The following CATSPERE variants were observed in gnomAD, a reference collection of about 807,000 sequenced individuals.
CATSPERE encodes cation channel sperm-associated auxiliary subunit epsilon.
In CATSPERE, 93 loss-of-function variants were observed where a neutral mutation model predicts 114.1. The observed-to-expected ratio is 0.81, with a 90% CI of 0.69 to 0.97. The LOEUF (loss-of-function observed/expected upper bound fraction) is 0.97. Among genes scored for constraint, CATSPERE ranks in the 50% least tolerant of loss-of-function variants. The pLI, the probability that CATSPERE is intolerant of heterozygous loss-of-function variation, is 0.00. For missense variants in CATSPERE, 1,058 were observed against 1,131.6 expected (o/e 0.93, Z 0.93); for synonymous variants, 341 against 384.1 (o/e 0.89, Z 1.31).
At chr1:244,559,908 C>G (rs1416527027) in intron 9 of CATSPERE, among the ~76,000 whole-genome samples, 1 of 152,090 alleles carries the variant, frequency 6.6e-6, no homozygotes, top group Non-Finnish European at 1.5e-5. Context: ...TGACCAATTT[C>G]TATTTAATAT....
chr1:244,542,445 C>T (rs1441630464), intron 8 of CATSPERE, among the ~76,000 whole-genome samples: 1 of 151,992 alleles, frequency 6.6e-6, no homozygotes, highest in African/African-American at 2.4e-5. Flanking sequence ...GAACATTGTA[C>T]TCAATAGGTA....
At chr1:244,479,573 T>A in intron 4 of CATSPERE, 144 bp from the exon 5 acceptor site, 1 of 354,590 alleles carries the variant, frequency 2.8e-6, no homozygotes, top group Non-Finnish European at 5.1e-6. Flanking sequence ...TTTAAATATA[T>A]ATTTAAATTC....
chr1:244,495,484 A>G (rs1672940026), intron 6 of CATSPERE, among the ~76,000 whole-genome samples: 1 of 152,138 alleles, frequency 6.6e-6, no homozygotes, highest in South Asian at 2.1e-4. Flanking sequence ...GAACTTTGGG[A>G]GGCTGAGGCA....
intron 13 of CATSPERE, 121 bp from the exon 14 acceptor site, chr1:244,588,361 G>C: frequency 1.3e-6 from 1 of 741,738 alleles, no homozygotes; most frequent in Non-Finnish European, 2.4e-6. Context: ...AGTGGTATAA[G>C]AGAACCCTAC....
chr1:244,466,136 T>C (rs1215399998), intron 2 of CATSPERE, among the ~76,000 whole-genome samples: 1 of 152,242 alleles, frequency 6.6e-6, no homozygotes, highest in Non-Finnish European at 1.5e-5. Context: ...CATATTAACA[T>C]ATTCACTTTT....
At chr1:244,621,837 G>C (rs1329564585) in intron 20 of CATSPERE, among the ~76,000 whole-genome samples, 1 of 152,116 alleles carries the variant, frequency 6.6e-6, no homozygotes, top group Non-Finnish European at 1.5e-5. Context: ...TCAATACACA[G>C]ATTAAACAAG....
intron 10 of CATSPERE, among the ~76,000 whole-genome samples, chr1:244,571,184 C>T (rs938085423): frequency 6.6e-6 from 1 of 152,128 alleles, no homozygotes; most frequent in African/African-American, 2.4e-5. Flanking sequence ...TGATCTACTG[C>T]ATATATTTCT....
chr1:244,569,660 AT>A (rs1435157716), intron 10 of CATSPERE, among the ~76,000 whole-genome samples: 2 of 152,134 alleles, frequency 1.3e-5, no homozygotes, highest in Non-Finnish European at 2.9e-5. Flanking sequence ...TATTCTTATA[AT>A]TCTGATTTTT....
chr1:244,494,133 C>A (rs1672693289), intron 6 of CATSPERE, among the ~76,000 whole-genome samples: 1 of 151,988 alleles, frequency 6.6e-6, no homozygotes, highest in Non-Finnish European at 1.5e-5. Context: ...AATCATGCTG[C>A]TATAAAGACA....
chr1:244,602,797 A>T (rs1669446788), intron 17 of CATSPERE, among the ~76,000 whole-genome samples: 1 of 152,164 alleles, frequency 6.6e-6, no homozygotes, highest in South Asian at 2.1e-4. Context: ...GGTCCTGAGG[A>T]TTCGCTTTAG....
intron 8 of CATSPERE, among the ~76,000 whole-genome samples, chr1:244,518,958 T>C (rs1677080958): frequency 1.3e-5 from 2 of 152,070 alleles, no homozygotes; most frequent in South Asian, 4.1e-4. Flanking sequence ...CCTGGAAATA[T>C]CTCAAAATGT....
At chr1:244,629,204 T>A (rs1272166110) in intron 20 of CATSPERE, among the ~76,000 whole-genome samples, 3 of 152,144 alleles carry the variant, frequency 2.0e-5, no homozygotes, top group Admixed American at 6.5e-5. Flanking sequence ...CACAGACATA[T>A]CAAGCACCTT....
chr1:244,528,117 C>A (rs1286262116), intron 8 of CATSPERE, among the ~76,000 whole-genome samples: 1 of 152,218 alleles, frequency 6.6e-6, no homozygotes, highest in African/African-American at 2.4e-5. Context: ...CCCCATTCCC[C>A]CCAACCAGCA....
chr1:244,554,118 T>A (rs1661221024), intron 9 of CATSPERE, among the ~76,000 whole-genome samples: 1 of 152,240 alleles, frequency 6.6e-6, no homozygotes, highest in Non-Finnish European at 1.5e-5. Flanking sequence ...TTGTGAATAG[T>A]GTTGCAATAA....
At chr1:244,554,851 A>G (rs1458147210) in intron 9 of CATSPERE, among the ~76,000 whole-genome samples, 8 of 152,206 alleles carry the variant, frequency 5.3e-5, no homozygotes, top group African/African-American at 2.4e-5. Context: ...TTACAGGCCA[A>G]TATTCCTGAT....
At chr1:244,471,999 G>T (rs150176034) in intron 2 of CATSPERE, among the ~76,000 whole-genome samples, 1,875 of 152,232 alleles carry the variant, frequency 0.012, 11 homozygotes, top group Non-Finnish European at 0.02. Flanking sequence ...TAACTCTGTT[G>T]CCTAGCGTGG....
intron 7 of CATSPERE, among the ~76,000 whole-genome samples, chr1:244,510,462 CAGAGA>C (rs1675516760): frequency 1.3e-5 from 2 of 152,102 alleles, no homozygotes; most frequent in South Asian, 4.1e-4. Flanking sequence ...CCACTGTGGT[CAGAGA>C]AGACACTTGA....
Position 244,570,216 on chromosome 1 carries a change from C to A in CATSPERE, c.1508-2114C>A, listed in dbSNP as rs1052204363. 2.0e-5 allele frequency among the ~76,000 whole-genome samples: 3 copies of A among 152,114 alleles called. No homozygotes were observed. In the East Asian group the frequency reaches 5.8e-4, roughly 29 times the overall value. On this transcript the variant is annotated intron_variant, in intron 10 of 21. Transcript: ENST00000366534. ...AAATAATTCATTTTATGTAGATTTT[C>A]TAATTTATTGGCAAAAGTAGGCTAT... is the stretch of plus-strand genomic sequence containing the variant.
chr1:244,608,210 T>C (rs1486621686), intron 18 of CATSPERE, among the ~76,000 whole-genome samples: 3 of 152,018 alleles, frequency 2.0e-5, no homozygotes, highest in South Asian at 4.2e-4. Context: ...CTATCTTGAC[T>C]AATAACTAAT....
Sources: gnomAD v4.1 joint callset for allele counts (sites outside exome capture counted in the v4.1 genomes callset) on GRCh38, gnomAD v4.1.1 for gene constraint, MANE v1.5 for transcripts, NCBI Gene and HGNC (gene_info 2026-07-23, HGNC 2026-07-21) for gene names.